Variants in FER observed in about 807,000 individuals in gnomAD.
FER encodes the protein tyrosine-protein kinase Fer.
A neutral mutation model predicts 111.0 loss-of-function variants in FER; 63 were observed. The ratio of observed to expected loss-of-function variants is 0.57; its 90% confidence interval spans 0.46 to 0.70. The LOEUF (loss-of-function observed/expected upper bound fraction) is 0.70. Among genes scored for constraint, FER ranks in the 30% least tolerant of loss-of-function variants. FER has a pLI of 0.00. For synonymous variants in FER, 327 were observed against 313.9 expected (o/e 1.04, Z -0.44); for missense variants, 914 against 954.0 (o/e 0.96, Z 0.55).
chr5:108,858,903 C>G (rs1763256741), intron 5 of FER, among the ~76,000 whole-genome samples: 1 of 148,664 alleles, frequency 6.7e-6, no homozygotes, highest in African/African-American at 2.5e-5. Context: ...TCTGATTTTT[C>G]TAATTATATG....
intron 14 of FER, among the ~76,000 whole-genome samples, chr5:109,043,580 A>G (rs1420401825): frequency 6.6e-6 from 1 of 152,192 alleles, no homozygotes; most frequent in Non-Finnish European, 1.5e-5. Flanking sequence ...TTCAAATATT[A>G]AGAGTTACAT....
At chr5:109,165,593 GGTGTGT>G (rs66749153) in intron 17 of FER, among the ~76,000 whole-genome samples, 5,706 of 142,288 alleles carry the variant, frequency 0.04, 109 homozygotes, top group Middle Eastern at 0.077. Context: ...GGAGGGAACT[GGTGTGT>G]GTGTGTGTGT....
chr5:109,124,705 A>T (rs1023932058), intron 17 of FER, among the ~76,000 whole-genome samples: 2 of 152,166 alleles, frequency 1.3e-5, no homozygotes, highest in South Asian at 4.1e-4. Flanking sequence ...GAAGAAAAAC[A>T]TTTAAAAGGA....
Position 109,195,972 on chromosome 5 carries a change from C to T in FER, c.*8397C>T, listed in dbSNP as rs1277029796. On this transcript the variant is annotated 3_prime_UTR_variant, in exon 20 of 20. Transcript: ENST00000281092. ...GTTTTTTCTTGGTTTTGTCTGGCTT[C>T]TTCTGGCAAGTGCCCTAAAAGACTG... The T allele has an allele frequency of 1.3e-5, 2 of 152,168 alleles. No individual in the cohort carries two copies. Among genetic ancestry groups the T allele is most frequent in the Non-Finnish European group, 2.9e-5 (2 of 68,062 alleles). The allele number at this position is 152,168 out of a possible 1,614,324, so 9.4% of individuals were successfully genotyped here.
intron 16 of FER, 87 bp from the exon 17 acceptor site, chr5:109,100,309 G>A: frequency 6.5e-7 from 1 of 1,527,152 alleles, no homozygotes; most frequent in South Asian, 1.2e-5. Context: ...ATTTTGCTCT[G>A]TCAAATATTC....
At chr5:109,098,765 T>C (rs1169690088) in intron 16 of FER, among the ~76,000 whole-genome samples, 1 of 151,646 alleles carries the variant, frequency 6.6e-6, no homozygotes, top group African/African-American at 2.4e-5. Flanking sequence ...ATTTAATATA[T>C]TTGGTATTCT....
At chr5:109,043,851 G>A (rs1197745443) in intron 14 of FER, among the ~76,000 whole-genome samples, 4 of 151,834 alleles carry the variant, frequency 2.6e-5, no homozygotes, top group Non-Finnish European at 5.9e-5. Flanking sequence ...TGCGCCTGTA[G>A]TCCCAGCTAC....
At chr5:108,926,394 A>G (rs554299065) in intron 10 of FER, among the ~76,000 whole-genome samples, 80 of 152,202 alleles carry the variant, frequency 5.3e-4, no homozygotes, top group African/African-American at 1.7e-3. Context: ...AAAAGATTAC[A>G]GTTTTATTAT....
chr5:109,052,025 C>T, intron 16 of FER: 4 of 1,594,112 alleles, frequency 2.5e-6, no homozygotes, highest in Non-Finnish European at 3.4e-6. Flanking sequence ...TGCATTTTCA[C>T]CTTACCATGC....
intron 3 of FER, among the ~76,000 whole-genome samples, chr5:108,823,103 G>A (rs1332644476): frequency 1.3e-5 from 2 of 152,212 alleles, no homozygotes; most frequent in Non-Finnish European, 2.9e-5. Context: ...CTGACCTTAA[G>A]TGATCTGCCC....
intron 8 of FER, among the ~76,000 whole-genome samples, chr5:108,882,265 T>A (rs955265886): frequency 6.6e-6 from 1 of 152,000 alleles, no homozygotes; most frequent in African/African-American, 2.4e-5. Context: ...TTTTTTCACA[T>A]CAGTGATGTA....
chr5:108,866,131 G>A (rs762180200), intron 5 of FER, among the ~76,000 whole-genome samples: 3 of 152,150 alleles, frequency 2.0e-5, no homozygotes, highest in Non-Finnish European at 2.9e-5. Flanking sequence ...AAAGACACAT[G>A]CACATGTATG....
chr5:109,056,770 T>A (rs976506835), intron 16 of FER, among the ~76,000 whole-genome samples: 4 of 152,180 alleles, frequency 2.6e-5, no homozygotes, highest in African/African-American at 9.6e-5. Context: ...GATATGTTAA[T>A]TTGCTTCACT....
chr5:109,182,378 T>C (rs1443242298), intron 18 of FER, among the ~76,000 whole-genome samples: 2 of 152,198 alleles, frequency 1.3e-5, no homozygotes, highest in Non-Finnish European at 2.9e-5. Flanking sequence ...TTCTAGTGAT[T>C]GCAAGCCAGT....
At chr5:108,878,201 T>G (rs891997839) in intron 8 of FER, among the ~76,000 whole-genome samples, 12 of 152,122 alleles carry the variant, frequency 7.9e-5, no homozygotes, top group Non-Finnish European at 1.5e-4. Flanking sequence ...GCCAACATGC[T>G]GGGCTTCCTT....
chr5:109,123,000 CTTT>C (rs1224016331), intron 17 of FER, among the ~76,000 whole-genome samples: 1 of 151,524 alleles, frequency 6.6e-6, no homozygotes, highest in Non-Finnish European at 1.5e-5. Context: ...ATCATTGGGT[CTTT>C]TTTTTATTAA....
At chr5:108,891,656 G>GT (rs566904440) in intron 9 of FER, 2,062 of 141,478 alleles carry the variant, frequency 0.015, 26 homozygotes, top group Middle Eastern at 0.054. Context: ...TCTTTTGTTT[G>GT]TTTTTTTTTT....
intron 3 of FER, 70 bp downstream of exon 3, chr5:108,798,459 C>A: frequency 8.6e-7 from 1 of 1,164,422 alleles, no homozygotes; most frequent in Non-Finnish European, 1.3e-6. Context: ...ATAGCTCAAA[C>A]TATTGAATGA....
At chr5:109,000,351 T>TA (rs549883969) in intron 13 of FER, among the ~76,000 whole-genome samples, 70 of 150,222 alleles carry the variant, frequency 4.7e-4, no homozygotes, top group Non-Finnish European at 7.6e-4. Flanking sequence ...AACTCTCTAG[T>TA]AAAAAAAAAT....
Sources: gnomAD v4.1 joint callset for allele counts (sites outside exome capture counted in the v4.1 genomes callset) on GRCh38, gnomAD v4.1.1 for gene constraint, MANE v1.5 for transcripts, NCBI Gene and HGNC (gene_info 2026-07-23, HGNC 2026-07-21) for gene names.